The following TENM2 variants were observed in gnomAD, a reference collection of about 807,000 sequenced individuals.
The protein encoded by TENM2 is teneurin transmembrane protein 2.
A neutral mutation model predicts 245.2 loss-of-function variants in TENM2; 52 were observed. The ratio of observed to expected loss-of-function variants is 0.21; its 90% CI spans 0.17 to 0.27. The LOEUF is 0.27. TENM2 is among the 10% of genes least tolerant of loss of function. The pLI is 1.00. For synonymous variants in TENM2, 1,363 were observed against 1,438.9 expected (o/e 0.95, Z 1.19); for missense variants, 3,046 against 3,666.8 (o/e 0.83, Z 4.37).
At chr5:167,513,677 T>C (rs763443310) in intron 2 of TENM2, among the ~76,000 whole-genome samples, 17 of 152,198 alleles carry the variant, frequency 1.1e-4, no homozygotes, top group Non-Finnish European at 2.4e-4. Context: ...AGTGCACTTA[T>C]TCTTAGCCTG....
intron 6 of TENM2, among the ~76,000 whole-genome samples, chr5:168,053,870 A>G (rs1789316540): frequency 6.6e-6 from 1 of 152,302 alleles, no homozygotes; most frequent in Non-Finnish European, 1.5e-5. Context: ...TCATAGATCT[A>G]CCAGTAAAAA....
intron 2 of TENM2, among the ~76,000 whole-genome samples, chr5:167,544,397 CATA>C (rs1274976993): frequency 1.3e-5 from 2 of 152,224 alleles, no homozygotes; most frequent in Admixed American, 6.5e-5. Context: ...TGCCATTTAG[CATA>C]ATAATACCAG....
chr5:167,854,090 TTTA>T (rs1277073173), intron 2 of TENM2, among the ~76,000 whole-genome samples: 2 of 152,246 alleles, frequency 1.3e-5, no homozygotes, highest in Non-Finnish European at 2.9e-5. Flanking sequence ...TCCATTTCTT[TTTA>T]TTTTAAAAGC....
the TENM2 span, among the ~76,000 whole-genome samples, chr5:167,069,347 C>T: frequency 0.62 from 94,644 of 151,960 alleles, 31,459 homozygotes; most frequent in African/African-American, 0.87. Context: ...ATATGTTTAA[C>T]GGTAGAAAAG....
chr5:168,189,361 T>C (rs1760748581), intron 13 of TENM2, among the ~76,000 whole-genome samples: 1 of 152,190 alleles, frequency 6.6e-6, no homozygotes, highest in Non-Finnish European at 1.5e-5. Flanking sequence ...TTTCCCCCAC[T>C]CTACCATTAG....
At chr5:167,343,480 A>G (rs1758250805) in intron 1 of TENM2, among the ~76,000 whole-genome samples, 1 of 152,078 alleles carries the variant, frequency 6.6e-6, no homozygotes, top group Non-Finnish European at 1.5e-5. Flanking sequence ...TTTTATTCCC[A>G]TTTATGCTCC....
the TENM2 span, among the ~76,000 whole-genome samples, chr5:167,172,770 T>C: frequency 2.0e-5 from 3 of 151,566 alleles, no homozygotes; most frequent in African/African-American, 4.9e-5. Context: ...TCCACTATGC[T>C]TAGCTATTTA....
intron 2 of TENM2, among the ~76,000 whole-genome samples, chr5:167,476,911 C>A (rs562947402): frequency 1.3e-5 from 2 of 152,190 alleles, no homozygotes; most frequent in South Asian, 4.1e-4. Flanking sequence ...TAGCTGATTT[C>A]TTTAAAGTGA....
chr5:168,193,952 G>A (rs1761167224), intron 14 of TENM2, among the ~76,000 whole-genome samples: 1 of 152,346 alleles, frequency 6.6e-6, no homozygotes, highest in Non-Finnish European at 1.5e-5. Flanking sequence ...CAGTGGAACA[G>A]TCTAAACACT....
the TENM2 span, among the ~76,000 whole-genome samples, chr5:167,114,910 G>T: frequency 6.6e-6 from 1 of 152,232 alleles, no homozygotes; most frequent in African/African-American, 2.4e-5. Flanking sequence ...AAATGTGGCA[G>T]TGGAGAAGGG....
the TENM2 span, among the ~76,000 whole-genome samples, chr5:167,230,736 A>G: frequency 6.6e-6 from 1 of 152,214 alleles, no homozygotes; most frequent in African/African-American, 2.4e-5. Flanking sequence ...TCTACCAACA[A>G]AAGTGCTTAA....
intron 4 of TENM2, among the ~76,000 whole-genome samples, chr5:167,971,333 C>T (rs963496407): frequency 2.6e-5 from 4 of 151,364 alleles, no homozygotes; most frequent in East Asian, 2.0e-4. Flanking sequence ...TCAGGGAGGT[C>T]GGCCCTTGAT....
chr5:167,745,269 C>A (rs1368534931), intron 2 of TENM2, among the ~76,000 whole-genome samples: 1 of 152,224 alleles, frequency 6.6e-6, no homozygotes, highest in Non-Finnish European at 1.5e-5. Context: ...ACATTGGCTG[C>A]TCCAACCATC....
At chr5:168,251,083 G>A (rs1160061319) in intron 27 of TENM2, among the ~76,000 whole-genome samples, 1 of 152,138 alleles carries the variant, frequency 6.6e-6, no homozygotes. Context: ...GCCTACCTTA[G>A]CCATAGGAGA....
chr5:167,375,959 T>C (rs557455144), intron 2 of TENM2, among the ~76,000 whole-genome samples: 1 of 152,298 alleles, frequency 6.6e-6, no homozygotes, highest in Middle Eastern at 3.4e-3. Context: ...ACAGGTGCTC[T>C]GGAGCTTAAT....
intron 13 of TENM2, among the ~76,000 whole-genome samples, chr5:168,182,505 C>T (rs28573331): frequency 0.031 from 4,696 of 152,272 alleles, 232 homozygotes; most frequent in African/African-American, 0.1. Flanking sequence ...AATTCAGTCA[C>T]GTGCCCAAGA....
chr5:167,732,021 G>T (rs781056921), intron 2 of TENM2, among the ~76,000 whole-genome samples: 3 of 152,098 alleles, frequency 2.0e-5, no homozygotes, highest in East Asian at 1.9e-4. Context: ...TAATCCCTTG[G>T]AAAGTAAAAA....
At chr5:167,350,902 GAT>G (rs771190209) in intron 1 of TENM2, among the ~76,000 whole-genome samples, 3 of 74,692 alleles carry the variant, frequency 4.0e-5, no homozygotes, top group African/African-American at 1.3e-4. Flanking sequence ...TATACATATG[GAT>G]ATATATATGG....
chr5:167,862,801 G>A (rs578119050), intron 2 of TENM2, among the ~76,000 whole-genome samples: 1 of 152,300 alleles, frequency 6.6e-6, no homozygotes, highest in African/African-American at 2.4e-5. Context: ...ATTTCTGCTA[G>A]GGCACAACCT....
Sources: gnomAD v4.1 joint callset for allele counts (sites outside exome capture counted in the v4.1 genomes callset) on GRCh38, gnomAD v4.1.1 for gene constraint, MANE v1.5 for transcripts, NCBI Gene and HGNC (gene_info 2026-07-23, HGNC 2026-07-21) for gene names.